The following DGKI variants were observed in gnomAD, a reference collection of about 807,000 sequenced individuals.
The protein encoded by DGKI is DAG kinase iota.
A neutral mutation model predicts 147.5 loss-of-function variants in DGKI; 55 were observed. The observed-to-expected ratio is 0.37, with a 90% CI of 0.30 to 0.47. The LOEUF (loss-of-function observed/expected upper bound fraction) is 0.47, where lower values mean the gene tolerates loss of function less well. Ranked by LOEUF, DGKI falls within the 20% of genes least tolerant of loss-of-function variation. The probability of loss-of-function intolerance (pLI) is 1.00; values close to 1 mark genes in which losing one functional copy is unlikely to be tolerated. For missense variants in DGKI, 1,007 were observed against 1,323.8 expected (o/e 0.76, Z 3.71); for synonymous variants, 469 against 477.1 (o/e 0.98, Z 0.22).
intron 27 of DGKI, among the ~76,000 whole-genome samples, chr7:137,460,211 A>T (rs1221178410): frequency 9.9e-5 from 15 of 152,190 alleles, no homozygotes; most frequent in Admixed American, 9.8e-4. Flanking sequence ...TTACTGATTC[A>T]TCAGTACTCT....
intron 24 of DGKI, among the ~76,000 whole-genome samples, chr7:137,468,102 G>T (rs1814732061): frequency 6.6e-6 from 1 of 151,164 alleles, no homozygotes; most frequent in Non-Finnish European, 1.5e-5. Context: ...GCACAAGAAA[G>T]AAAAACTCAA....
intron 24 of DGKI, among the ~76,000 whole-genome samples, chr7:137,467,762 C>T (rs954116360): frequency 6.6e-6 from 1 of 152,080 alleles, no homozygotes; most frequent in Non-Finnish European, 1.5e-5. Context: ...GGGAGAAGTG[C>T]TTGAAGCCAG....
chr7:137,682,728 C>T (rs151060484), intron 2 of DGKI, among the ~76,000 whole-genome samples: 2,448 of 152,300 alleles, frequency 0.016, 38 homozygotes, highest in Non-Finnish European at 0.024. Flanking sequence ...AAATTCTGAA[C>T]AGTGAAACAG....
intron 6 of DGKI, among the ~76,000 whole-genome samples, chr7:137,627,361 T>C (rs1345846111): frequency 2.0e-5 from 3 of 152,332 alleles, no homozygotes; most frequent in East Asian, 1.9e-4. Context: ...AGGCAGTCAG[T>C]CCTTGTCTAG....
chr7:137,684,778 C>T (rs529358204), intron 2 of DGKI, among the ~76,000 whole-genome samples: 120 of 152,166 alleles, frequency 7.9e-4, no homozygotes, highest in African/African-American at 2.7e-3. Flanking sequence ...TTCAGTTTTT[C>T]GAAATGGGGC....
chr7:137,477,420 T>C (rs1815210934), intron 23 of DGKI, among the ~76,000 whole-genome samples: 1 of 152,198 alleles, frequency 6.6e-6, no homozygotes, highest in Non-Finnish European at 1.5e-5. Flanking sequence ...TGAAGTACCA[T>C]AAAGTTTATT....
chr7:137,833,048 T>G (rs1298877518), intron 1 of DGKI, among the ~76,000 whole-genome samples: 1 of 152,212 alleles, frequency 6.6e-6, no homozygotes, highest in Non-Finnish European at 1.5e-5. Context: ...ACTATGAGCA[T>G]TTTTGTCAAA....
At chr7:137,724,274 T>C (rs1458663526) in intron 1 of DGKI, among the ~76,000 whole-genome samples, 1 of 152,158 alleles carries the variant, frequency 6.6e-6, no homozygotes, top group Non-Finnish European at 1.5e-5. Context: ...TTATAGGCCA[T>C]GGTGAGGACC....
At chr7:137,607,864 A>T (rs1209256459) in intron 10 of DGKI, among the ~76,000 whole-genome samples, 1 of 152,232 alleles carries the variant, frequency 6.6e-6, no homozygotes, top group African/African-American at 2.4e-5. Flanking sequence ...ACTTGAAAAC[A>T]AATGGTTTCT....
chr7:137,671,727 A>T (rs911509668), intron 3 of DGKI, among the ~76,000 whole-genome samples: 9 of 152,162 alleles, frequency 5.9e-5, no homozygotes, highest in Non-Finnish European at 1.2e-4. Flanking sequence ...CTCATATCAC[A>T]TGGCCTCTCT....
At chr7:137,644,308 G>C (rs926101543) in intron 6 of DGKI, among the ~76,000 whole-genome samples, 2 of 152,220 alleles carry the variant, frequency 1.3e-5, no homozygotes, top group Non-Finnish European at 2.9e-5. Flanking sequence ...AACCAACTGA[G>C]AGCCACAGGG....
intron 1 of DGKI, among the ~76,000 whole-genome samples, chr7:137,790,519 T>C (rs1038119077): frequency 1.3e-5 from 2 of 152,254 alleles, no homozygotes; most frequent in African/African-American, 2.4e-5. Context: ...AAAGCTCAGA[T>C]GCCTGGCATG....
chr7:137,455,478 G>C (rs1814156985), intron 27 of DGKI, among the ~76,000 whole-genome samples: 1 of 152,064 alleles, frequency 6.6e-6, no homozygotes, highest in Non-Finnish European at 1.5e-5. Context: ...AGAGCTGTGG[G>C]AGGTACTTAA....
chr7:137,578,243 T>C, intron 16 of DGKI, 27 bp downstream of exon 16: 1 of 1,526,116 alleles, frequency 6.6e-7, no homozygotes, highest in Non-Finnish European at 9.1e-7. Context: ...TAATATGTAG[T>C]AATTATGAAA....
chr7:137,401,522 C>CA (rs34767947), intron 30 of DGKI, among the ~76,000 whole-genome samples: 28,924 of 151,694 alleles, frequency 0.19, 2,903 homozygotes, highest in South Asian at 0.31. Context: ...GATTCTGTCT[C>CA]AAAAAAATAA....
At chr7:137,796,709 C>T (rs75818856) in intron 1 of DGKI, among the ~76,000 whole-genome samples, 3,368 of 151,974 alleles carry the variant, frequency 0.022, 106 homozygotes, top group East Asian at 0.076. Flanking sequence ...CACAACTATG[C>T]GGACAGAAGA....
Position 137,481,564 on chromosome 7 carries a change from C to A in DGKI, c.2373+3810G>T, listed in dbSNP as rs1057293355. Among the ~76,000 whole-genome samples the A allele has an allele frequency of 3.3e-5, 5 of 152,096 alleles. No homozygotes were observed. The East Asian group carries it at 7.7e-4, about 23-fold the overall frequency. On this transcript the variant is annotated intron_variant, in intron 23 of 32. Transcript: ENST00000614521. ...AGATGGTGTAGGCAGGAATTTTCAA[C>A]AGGCTATAAATATCTAACACATTCT... is the stretch of plus-strand genomic sequence containing the variant.
intron 10 of DGKI, among the ~76,000 whole-genome samples, chr7:137,600,562 T>G (rs1297803773): frequency 2.0e-5 from 3 of 152,184 alleles, no homozygotes; most frequent in Non-Finnish European, 4.4e-5. Context: ...TGAATAATAT[T>G]TATTTTACTA....
intron 21 of DGKI, among the ~76,000 whole-genome samples, chr7:137,503,414 T>C (rs564226950): frequency 6.6e-6 from 1 of 152,292 alleles, no homozygotes; most frequent in Non-Finnish European, 1.5e-5. Flanking sequence ...CAATGACAGT[T>C]AACACAAACC....
Sources: gnomAD v4.1 joint callset for allele counts (sites outside exome capture counted in the v4.1 genomes callset) on GRCh38, gnomAD v4.1.1 for gene constraint, MANE v1.5 for transcripts, NCBI Gene and HGNC (gene_info 2026-07-23, HGNC 2026-07-21) for gene names.